MAGI2: variants seen among roughly 807,000 people sequenced by gnomAD.
MAGI2 encodes membrane-associated guanylate kinase, WW and PDZ domain-containing protein 2.
MAGI2 carries 35 observed loss-of-function variants against 133.3 expected under a neutral mutation model. The observed-to-expected ratio is 0.26, with a 90% CI of 0.20 to 0.35. MAGI2 has a LOEUF of 0.35. Among genes scored for constraint, MAGI2 ranks in the 10% least tolerant of loss-of-function variants. MAGI2 has a pLI of 1.00. For missense variants in MAGI2, 1,636 were observed against 1,863.4 expected (o/e 0.88, Z 2.25); for synonymous variants, 729 against 710.6 (o/e 1.03, Z -0.41).
intron 1 of MAGI2, among the ~76,000 whole-genome samples, chr7:79,226,381 A>T (rs1830858538): frequency 6.6e-6 from 1 of 152,102 alleles, no homozygotes; most frequent in Admixed American, 6.5e-5. Context: ...AATCCCCATC[A>T]TATATGGTTG....
chr7:78,914,468 T>C (rs1316782426), intron 2 of MAGI2, among the ~76,000 whole-genome samples: 2 of 152,142 alleles, frequency 1.3e-5, no homozygotes, highest in African/African-American at 4.8e-5. Context: ...TTGTCAAATA[T>C]CATAAAGTAT....
chr7:79,407,873 T>C (rs956947054), intron 1 of MAGI2, among the ~76,000 whole-genome samples: 6 of 152,100 alleles, frequency 3.9e-5, no homozygotes, highest in African/African-American at 2.4e-5. Context: ...GGATTGTACA[T>C]ACAAATCTGT....
intron 3 of MAGI2, among the ~76,000 whole-genome samples, chr7:78,621,975 G>A (rs1319077824): frequency 6.6e-6 from 1 of 151,998 alleles, no homozygotes; most frequent in Non-Finnish European, 1.5e-5. Context: ...CTGAAGCATA[G>A]AAACACCATA....
intron 1 of MAGI2, among the ~76,000 whole-genome samples, chr7:79,072,541 G>A (rs1815084566): frequency 6.6e-6 from 1 of 152,064 alleles, no homozygotes; most frequent in African/African-American, 2.4e-5. Context: ...TGATGTATGA[G>A]AAAGGTAAAT....
At chr7:78,518,834 G>A (rs1159592167) in intron 4 of MAGI2, 1 of 152,210 alleles carries the variant, frequency 6.6e-6, no homozygotes, top group Non-Finnish European at 1.5e-5. Flanking sequence ...CTCGGGCTCA[G>A]GTGATTCTCC....
At chr7:78,593,735 C>T (rs573010621) in intron 3 of MAGI2, among the ~76,000 whole-genome samples, 1 of 152,066 alleles carries the variant, frequency 6.6e-6, no homozygotes, top group Non-Finnish European at 1.5e-5. Context: ...AAGATACTTG[C>T]GTTGGAGTAA....
At chr7:78,573,284 T>TTTATATAAATATATATATTTATA (rs1563188898) in intron 3 of MAGI2, among the ~76,000 whole-genome samples, 9 of 26,862 alleles carry the variant, frequency 3.4e-4, no homozygotes, top group Non-Finnish European at 5.2e-4. Flanking sequence ...ATATATATAT[T>TTTATATAAATATATATATTTATA]TATATAAATA....
intron 1 of MAGI2, among the ~76,000 whole-genome samples, chr7:79,305,944 G>A (rs1417860119): frequency 3.3e-5 from 5 of 151,086 alleles, no homozygotes; most frequent in Admixed American, 3.3e-4. Flanking sequence ...CTTTGGTGAG[G>A]CATAGGAAAG....
chr7:78,903,617 C>T (rs938570581), intron 2 of MAGI2, among the ~76,000 whole-genome samples: 4 of 152,054 alleles, frequency 2.6e-5, no homozygotes, highest in African/African-American at 9.7e-5. Flanking sequence ...AAAGCCATAG[C>T]TTTTATTCTT....
At chr7:79,126,779 A>G (rs1209267169) in intron 1 of MAGI2, among the ~76,000 whole-genome samples, 1 of 151,642 alleles carries the variant, frequency 6.6e-6, no homozygotes, top group Non-Finnish European at 1.5e-5. Context: ...TTTTTAAAAA[A>G]TGTTTTGTAC....
At chr7:78,892,499 C>T (rs567126693) in intron 2 of MAGI2, among the ~76,000 whole-genome samples, 3 of 152,086 alleles carry the variant, frequency 2.0e-5, no homozygotes, top group South Asian at 2.1e-4. Context: ...GCTACAGTAA[C>T]CAAAACAGCA....
intron 6 of MAGI2, among the ~76,000 whole-genome samples, chr7:78,377,725 G>A (rs1398219574): frequency 6.6e-6 from 1 of 151,578 alleles, no homozygotes; most frequent in Admixed American, 6.6e-5. Flanking sequence ...GCAACAGAAG[G>A]GGGTGCTCAT....
At chr7:79,220,914 T>C (rs1189272157) in intron 1 of MAGI2, among the ~76,000 whole-genome samples, 2 of 151,990 alleles carry the variant, frequency 1.3e-5, no homozygotes, top group African/African-American at 4.8e-5. Context: ...AGATCTGAAT[T>C]TTGACTGGGT....
rs566495188 is a variant in MAGI2, at chr7:78,592,422, G to T, written c.538+34698C>A. Among the ~76,000 whole-genome samples the T allele has an allele frequency of 6.0e-5, 9 of 151,118 alleles. No homozygotes were observed. In the East Asian group the frequency reaches 1.7e-3, roughly 29 times the overall value. Reference sequence around the variant, plus strand: ...ATTCAGTATCTGTCCCAACTGCTCTGCTCTCCTGGGTTAGCACAAAAGCAG... The same window carrying T: ...ATTCAGTATCTGTCCCAACTGCTCTTCTCTCCTGGGTTAGCACAAAAGCAG... On this transcript the variant is annotated intron_variant, in intron 3 of 21. Transcript: ENST00000354212.
At chr7:79,036,105 G>T (rs1174484671) in intron 1 of MAGI2, among the ~76,000 whole-genome samples, 11 of 152,170 alleles carry the variant, frequency 7.2e-5, no homozygotes, top group Admixed American at 6.5e-4. Flanking sequence ...ATGCCACTTT[G>T]TAAAATGTGA....
chr7:78,705,483 C>T (rs552043985), intron 2 of MAGI2, among the ~76,000 whole-genome samples: 5 of 152,236 alleles, frequency 3.3e-5, no homozygotes, highest in South Asian at 4.1e-4. Context: ...CAGTGCACCA[C>T]TGCTTTTAAT....
rs1327035132 is a variant in MAGI2, at chr7:78,160,127, T to C, written c.2743A>G (p.Ser915Gly). The C allele has an allele frequency of 6.2e-7, 1 of 1,612,148 alleles. No individual in the cohort carries two copies. Among genetic ancestry groups the C allele is most frequent in the Admixed American group, 1.7e-5 (1 of 59,768 alleles). ...ATGACCACATCACTGGTCTGCAGGC[T>C]GTGGGAGGCGAAGCCTTCAGGGGGA... ...ASPPEGFASH[S>G]LQTSDVVIHR... is the part of the protein sequence containing the mutation. Residue 915 changes from serine to glycine, a missense_variant, in exon 16 of 22, where the codon AGC becomes GGC. Ser to Gly is a moderately conservative substitution (Grantham distance 56, BLOSUM62 0). Coordinates refer to ENST00000354212, the MANE Select transcript of MAGI2 (RefSeq NM_012301.4).
intron 13 of MAGI2, 78 bp downstream of exon 13, chr7:78,185,551 T>A (rs762707480): frequency 3.5e-6 from 4 of 1,146,110 alleles, no homozygotes; most frequent in South Asian, 1.6e-5. Flanking sequence ...AGGAAACTGA[T>A]ACTATCAGAA....
intron 1 of MAGI2, among the ~76,000 whole-genome samples, chr7:79,445,829 G>A (rs928290524): frequency 2.6e-5 from 4 of 152,154 alleles, no homozygotes; most frequent in African/African-American, 9.7e-5. Context: ...TATACCCAAA[G>A]GATTATAAGT....
Sources: allele counts gnomAD v4.1 joint callset (sites outside exome capture counted in the v4.1 genomes callset), GRCh38; gene constraint gnomAD v4.1.1; transcripts MANE v1.5; gene names NCBI Gene and HGNC (gene_info 2026-07-23, HGNC 2026-07-21).